Variants in HPSE2 observed in about 807,000 individuals in gnomAD.
HPSE2 encodes inactive heparanase-2.
A neutral mutation model predicts 60.5 loss-of-function variants in HPSE2; 38 were observed. The ratio of observed to expected loss-of-function variants is 0.63; its 90% confidence interval spans 0.48 to 0.82. HPSE2 has a LOEUF of 0.82. Ranked by LOEUF, HPSE2 falls within the 40% of genes least tolerant of loss-of-function variation. HPSE2 has a pLI of 0.00. For synonymous variants in HPSE2, 295 were observed against 293.2 expected (o/e 1.01, Z -0.06); for missense variants, 713 against 740.4 (o/e 0.96, Z 0.43).
At chr10:98,989,297 C>A (rs1956459782) in intron 3 of HPSE2, among the ~76,000 whole-genome samples, 1 of 152,050 alleles carries the variant, frequency 6.6e-6, no homozygotes, top group Non-Finnish European at 1.5e-5. Flanking sequence ...ACATATACAC[C>A]ATCGAATACT....
rs74694011 is a variant in HPSE2, at chr10:98,675,244, T to C, written c.1004+18656A>G. Among the ~76,000 whole-genome samples, 552 of 152,244 alleles carry C rather than the reference T, an allele frequency of 3.6e-3. 4 individuals are homozygous for C. The highest frequency in any genetic ancestry group is 0.013 in the African/African-American group (533 of 41,544). On this transcript the variant is annotated intron_variant, in intron 6 of 11. Coordinates refer to ENST00000370552, the MANE Select transcript of HPSE2 (RefSeq NM_021828.5). ...AGCTACCTCCCTCACTTCTTTTACA[T>C]CTGTGTTCAGATCTCACCTTCTAAA...
intron 2 of HPSE2, among the ~76,000 whole-genome samples, chr10:99,148,568 A>G (rs755722172): frequency 3.3e-4 from 50 of 152,126 alleles, no homozygotes; most frequent in Non-Finnish European, 3.4e-4. Context: ...AGGTGGGCGC[A>G]TCACCTGAGG....
At chr10:99,014,870 C>T (rs886664575) in intron 3 of HPSE2, among the ~76,000 whole-genome samples, 2 of 152,196 alleles carry the variant, frequency 1.3e-5, no homozygotes, top group Non-Finnish European at 2.9e-5. Context: ...AAACTACCAT[C>T]AGAGCGAACA....
At chr10:99,116,982 AC>A in intron 3 of HPSE2, among the ~76,000 whole-genome samples, 1 of 152,250 alleles carries the variant, frequency 6.6e-6, no homozygotes, top group African/African-American at 2.4e-5. Context: ...TAAACTGCTA[AC>A]CTGGTAGGGG....
In HPSE2 at chr10:98,516,938, T is replaced by C. The variant is rs192275044; in HGVS notation, c.1321-26742A>G. On this transcript the variant is annotated intron_variant, in intron 9 of 11. Coordinates refer to ENST00000370552, the MANE Select transcript of HPSE2 (RefSeq NM_021828.5). ...AGCTGGAATTCAGCAAGCAGAAAAG[T>C]TGAGTGATAAGAAATCTCCTGCTTT... is the stretch of plus-strand genomic sequence containing the variant. Among the ~76,000 whole-genome samples the C allele has an allele frequency of 3.1e-3, 469 of 152,220 alleles. 1 individual carries two copies. The highest frequency in any genetic ancestry group is 0.011 in the African/African-American group (438 of 41,528).
At chr10:98,559,415 C>G (rs371901442) in intron 9 of HPSE2, among the ~76,000 whole-genome samples, 1 of 152,042 alleles carries the variant, frequency 6.6e-6, no homozygotes. Context: ...GTCCTCTATT[C>G]TCCCCCTGCC....
chr10:99,009,318 G>T (rs1234601351), intron 3 of HPSE2, among the ~76,000 whole-genome samples: 1 of 151,510 alleles, frequency 6.6e-6, no homozygotes, highest in African/African-American at 2.4e-5. Context: ...TACTCAGGAG[G>T]CTGAGGTGGG....
chr10:99,128,907 C>A lies in HPSE2; in HGVS notation c.610+15331G>T, dbSNP rs147716496. 2.9e-3 allele frequency among the ~76,000 whole-genome samples: 438 copies of A among 152,116 alleles called. 1 individual carries two copies. The highest frequency in any genetic ancestry group is 9.9e-3 in the African/African-American group (413 of 41,516). ...GTATCTGCTGTCTTCAAGAGACTCA[C>A]CTAACACATAACAACTCACATCAAC... On this transcript the variant is annotated intron_variant, in intron 3 of 11. Coordinates refer to ENST00000370552, the MANE Select transcript of HPSE2 (RefSeq NM_021828.5).
chr10:99,062,065 A>G (rs1842462696), intron 3 of HPSE2, among the ~76,000 whole-genome samples: 1 of 152,206 alleles, frequency 6.6e-6, no homozygotes, highest in South Asian at 2.1e-4. Flanking sequence ...ATCGCTATCA[A>G]GAGGTTCTGC....
rs1447582167 is a variant in HPSE2, at chr10:98,458,590, TTAAAAA to T, written c.*978_*983del. 6.6e-6 allele frequency: 1 copy of T among 152,216 alleles called. No homozygotes were observed. The highest frequency in any genetic ancestry group is 1.5e-5 in the Non-Finnish European group (1 of 68,044). 9.4% of individuals were successfully genotyped at this position (152,216 alleles called of 1,614,324 possible). A position where few individuals can be genotyped will look rare whatever the true frequency, so the allele number is the denominator to read the frequency against. On this transcript the variant is annotated 3_prime_UTR_variant, in exon 12 of 12. Coordinates refer to ENST00000370552, the MANE Select transcript of HPSE2 (RefSeq NM_021828.5). The stretch of plus-strand genomic sequence containing the variant: ...TTGATTCACACTTTTTTCTTCTTTT[TTAAAAA>T]TAATGATTTGAGTTAACCAAACAAT...
chr10:99,069,240 A>C (rs1842710383), intron 3 of HPSE2, among the ~76,000 whole-genome samples: 1 of 152,144 alleles, frequency 6.6e-6, no homozygotes, highest in Admixed American at 6.6e-5. Context: ...ATTTTGTCCA[A>C]CTACAGGTTA....
chr10:98,545,336 G>A (rs926295710), intron 9 of HPSE2, among the ~76,000 whole-genome samples: 2 of 152,042 alleles, frequency 1.3e-5, no homozygotes, highest in African/African-American at 4.8e-5. Flanking sequence ...CCAAAGCCGG[G>A]CAGAGACACA....
At chr10:99,262,245 G>A in the HPSE2 span, among the ~76,000 whole-genome samples, 3 of 152,076 alleles carry the variant, frequency 2.0e-5, no homozygotes, top group Admixed American at 2.0e-4. Flanking sequence ...TTGATGGCCA[G>A]GTTTCTAAAC....
intron 3 of HPSE2, among the ~76,000 whole-genome samples, chr10:99,039,019 T>C (rs1466890844): frequency 6.6e-6 from 1 of 151,350 alleles, no homozygotes; most frequent in East Asian, 1.9e-4. Context: ...CAACAATACA[T>C]TTTTTTTTAA....
chr10:99,055,687 T>A (rs189170978), intron 3 of HPSE2, among the ~76,000 whole-genome samples: 1 of 152,118 alleles, frequency 6.6e-6, no homozygotes, highest in Non-Finnish European at 1.5e-5. Flanking sequence ...GATAATCTCC[T>A]AGTAGTTACA....
At chr10:98,579,502 GT>G (rs1052392911) in intron 9 of HPSE2, among the ~76,000 whole-genome samples, 20 of 152,254 alleles carry the variant, frequency 1.3e-4, no homozygotes, top group African/African-American at 4.8e-4. Flanking sequence ...TTTTGCTGAT[GT>G]TTTCAGGGAG....
rs762253756 is a variant in HPSE2 at position 98,490,227 on chromosome 10, G to A, written c.1321-31C>T. 5.6e-6 allele frequency: 9 copies of A among 1,611,466 alleles called. No individual in the cohort carries two copies. In the Admixed American group the frequency reaches 8.4e-5, roughly 15 times the overall value. ...GAGAATAGAGAGGGAGAGGGTCAGC[G>A]AGAGAACACATGCTCAGGTGTTCTG... On this transcript the variant is annotated intron_variant, in intron 9 of 11. Transcript: ENST00000370552.
chr10:98,578,299 A>G (rs575642536), intron 9 of HPSE2, among the ~76,000 whole-genome samples: 14 of 152,308 alleles, frequency 9.2e-5, no homozygotes, highest in Admixed American at 5.9e-4. Context: ...CAAATTTTCC[A>G]TTGGAGATGG....
chr10:99,042,477 A>G (rs960351079), intron 3 of HPSE2, among the ~76,000 whole-genome samples: 24 of 151,934 alleles, frequency 1.6e-4, no homozygotes, highest in Middle Eastern at 3.4e-3. Context: ...GCTGCCCCCA[A>G]TATAAGGGGG....
Sources: allele counts gnomAD v4.1 joint callset (sites outside exome capture counted in the v4.1 genomes callset), GRCh38; gene constraint gnomAD v4.1.1; transcripts MANE v1.5; gene names NCBI Gene and HGNC (gene_info 2026-07-23, HGNC 2026-07-21).